The following SRBD1 variants were observed in gnomAD, a reference collection of about 807,000 sequenced individuals.
The protein encoded by SRBD1 is S1 RNA binding domain 1.
In SRBD1, 88 loss-of-function variants were observed where a neutral mutation model predicts 115.3. The observed-to-expected ratio is 0.76, with a 90% confidence interval of 0.64 to 0.91. The LOEUF (loss-of-function observed/expected upper bound fraction) is 0.91. Ranked by LOEUF, SRBD1 falls within the 40% of genes least tolerant of loss-of-function variation. SRBD1 has a pLI of 0.00. For synonymous variants in SRBD1, 509 were observed against 407.7 expected (o/e 1.25, Z -2.99); for missense variants, 1,385 against 1,177.4 (o/e 1.18, Z -2.58).
chr2:45,607,097 C>G (rs1674296523), intron 1 of SRBD1, among the ~76,000 whole-genome samples: 1 of 152,190 alleles, frequency 6.6e-6, no homozygotes, highest in South Asian at 2.1e-4. Flanking sequence ...GGATAATCTT[C>G]CATCTTTCCC....
At chr2:45,500,801 C>A (rs1456566182) in intron 14 of SRBD1, among the ~76,000 whole-genome samples, 1 of 152,126 alleles carries the variant, frequency 6.6e-6, no homozygotes, top group Admixed American at 6.5e-5. Flanking sequence ...TTGGTGGAGT[C>A]TTTAGGTTTT....
In SRBD1 at chr2:45,585,560, T is replaced by C. The variant is rs374217061; in HGVS notation, c.815+48A>G. ...TCATTCACTTTCTCACTGTTCCTCA[T>C]TGGCCTTTTCCCCTTACACTAGGCT... is the stretch of plus-strand genomic sequence containing the variant. On this transcript the variant is annotated intron_variant, in intron 5 of 20. Coordinates refer to ENST00000263736, the MANE Select transcript of SRBD1 (RefSeq NM_018079.5). The C allele has an allele frequency of 8.5e-4, 1,326 of 1,563,328 alleles. 16 individuals carry two copies. In the South Asian group the frequency reaches 0.01, roughly 12 times the overall value.
chr2:45,589,766 T>G (rs1673657582), intron 4 of SRBD1, among the ~76,000 whole-genome samples: 1 of 152,212 alleles, frequency 6.6e-6, no homozygotes, highest in African/African-American at 2.4e-5. Flanking sequence ...TTTTCTATAT[T>G]GATTCAGTTG....
intron 19 of SRBD1, among the ~76,000 whole-genome samples, chr2:45,406,656 T>C (rs1667446442): frequency 6.6e-6 from 1 of 152,182 alleles, no homozygotes; most frequent in South Asian, 2.1e-4. Context: ...GAATTATTTT[T>C]AGTGGAATAT....
At chr2:45,476,422 A>C (rs1390059007) in intron 16 of SRBD1, among the ~76,000 whole-genome samples, 1 of 152,186 alleles carries the variant, frequency 6.6e-6, no homozygotes, top group Admixed American at 6.5e-5. Flanking sequence ...AAGGAGGAAA[A>C]CAATGTGACC....
chr2:45,466,953 T>C (rs1365041993), intron 16 of SRBD1, among the ~76,000 whole-genome samples: 1 of 152,202 alleles, frequency 6.6e-6, no homozygotes, highest in East Asian at 1.9e-4. Flanking sequence ...CTGTCATTGC[T>C]CACTCCAGGT....
chr2:45,541,387 G>C (rs1671931249), intron 14 of SRBD1, among the ~76,000 whole-genome samples: 1 of 152,224 alleles, frequency 6.6e-6, no homozygotes, highest in African/African-American at 2.4e-5. Context: ...AAGGTCTGCA[G>C]CATGGCAGGC....
intron 19 of SRBD1, among the ~76,000 whole-genome samples, chr2:45,412,762 A>G (rs1185703262): frequency 6.6e-6 from 1 of 152,222 alleles, no homozygotes; most frequent in South Asian, 2.1e-4. Flanking sequence ...TTGGTTGTTT[A>G]CTTTCAAAAG....
intron 9 of SRBD1, among the ~76,000 whole-genome samples, chr2:45,565,846 G>C (rs1399780564): frequency 6.6e-6 from 1 of 152,124 alleles, no homozygotes; most frequent in Non-Finnish European, 1.5e-5. Flanking sequence ...GGCTGGTCTC[G>C]AACTCCTGAC....
intron 1 of SRBD1, among the ~76,000 whole-genome samples, chr2:45,609,162 T>C (rs1032263502): frequency 2.0e-5 from 3 of 152,200 alleles, no homozygotes; most frequent in African/African-American, 7.2e-5. Flanking sequence ...ACACTGCACA[T>C]GTTTAAAGTG....
intron 16 of SRBD1, among the ~76,000 whole-genome samples, chr2:45,430,795 G>A (rs1404893071): frequency 6.6e-6 from 1 of 152,100 alleles, no homozygotes; most frequent in Non-Finnish European, 1.5e-5. Flanking sequence ...TTGGCAAATG[G>A]GATCTAACTA....
intron 14 of SRBD1, among the ~76,000 whole-genome samples, chr2:45,507,522 C>T (rs900675038): frequency 7.9e-5 from 12 of 151,696 alleles, no homozygotes; most frequent in African/African-American, 2.9e-4. Flanking sequence ...GAGTTCAAGA[C>T]CAGCCTGGCC....
chr2:45,546,794 T>C lies in SRBD1; in HGVS notation c.1812A>G (p.Thr604=), dbSNP rs749020690. ...TTATCAGGTCAGCAAAGTAAGCTTC[T>C]GTTTCCCTGCAGGCAGTTCCATTTC... is the stretch of plus-strand genomic sequence containing the variant. ...VIGNGTACRE[T]EAYFADLIMK... Residue 604 remains threonine, a synonymous_variant, in exon 14 of 21, where the codon ACA becomes ACG. Transcript: ENST00000263736. 24 of 1,614,052 alleles carry C rather than the reference T, an allele frequency of 1.5e-5. No individual in the cohort carries two copies. The highest frequency in any genetic ancestry group is 2.0e-5 in the Non-Finnish European group (24 of 1,180,010).
rs3835986 is a variant in SRBD1, at chr2:45,403,331, C to CAA, written c.2513+9781_2513+9782dup. ...TTGACCACAGCCAGTTTAGATTATA[C>CAA]AAAAAAAAAATACATGAATTAAAGT... On this transcript the variant is annotated intron_variant, in intron 19 of 20. Transcript: ENST00000263736. Among the ~76,000 whole-genome samples the CAA allele has an allele frequency of 6.1e-4, 92 of 149,910 alleles. 1 individual carries two copies. Among genetic ancestry groups the CAA allele is most frequent in the African/African-American group, 1.5e-3 (60 of 41,012 alleles).
chr2:45,572,861 T>A (rs1673062864), intron 9 of SRBD1, among the ~76,000 whole-genome samples: 1 of 152,154 alleles, frequency 6.6e-6, no homozygotes, highest in African/African-American at 2.4e-5. Context: ...CTAAATCAGA[T>A]ATCTCATATT....
chr2:45,584,897 T>C (rs1261528099), intron 5 of SRBD1, among the ~76,000 whole-genome samples: 2 of 152,174 alleles, frequency 1.3e-5, no homozygotes, highest in East Asian at 3.9e-4. Context: ...AAGCCTATCA[T>C]CTCAGCACTT....
At position 45,593,047 on chromosome 2, in the gene SRBD1, T is replaced by C. The variant is rs533160850; in HGVS notation, c.648+6402A>G. Among the ~76,000 whole-genome samples the C allele has an allele frequency of 4.6e-5, 7 of 152,310 alleles. No individual in the cohort carries two copies. In the East Asian group the frequency reaches 1.3e-3, roughly 29 times the overall value. On this transcript the variant is annotated intron_variant, in intron 4 of 20. Coordinates refer to ENST00000263736, the MANE Select transcript of SRBD1 (RefSeq NM_018079.5). ...GCGATTCACATTTATTACTTTTATA[T>C]TTTTTAAAAATTAACTGGCAGATAG...
At chr2:45,477,656 C>A (rs1669844103) in intron 15 of SRBD1, among the ~76,000 whole-genome samples, 2 of 152,172 alleles carry the variant, frequency 1.3e-5, no homozygotes, top group Admixed American at 6.5e-5. Context: ...CTCAAGCAAT[C>A]CTCTTGCCTC....
chr2:45,511,799 T>C (rs1414836065), intron 14 of SRBD1, among the ~76,000 whole-genome samples: 1 of 152,216 alleles, frequency 6.6e-6, no homozygotes, highest in African/African-American at 2.4e-5. Flanking sequence ...ACCAAGCTTT[T>C]TGGCATTGTG....
Sources: gnomAD v4.1 joint callset for allele counts (sites outside exome capture counted in the v4.1 genomes callset) on GRCh38, gnomAD v4.1.1 for gene constraint, MANE v1.5 for transcripts, NCBI Gene and HGNC (gene_info 2026-07-23, HGNC 2026-07-21) for gene names.